Variants in HIVEP3 observed in about 807,000 individuals in gnomAD.
The protein encoded by HIVEP3 is HIVEP zinc finger 3.
HIVEP3 carries 49 observed loss-of-function variants against 152.8 expected under a neutral mutation model. That is an observed-to-expected ratio of 0.32 (90% CI 0.26 to 0.41). HIVEP3 has a LOEUF of 0.41. Ranked by LOEUF, HIVEP3 falls within the 10% of genes least tolerant of loss-of-function variation. The pLI is 1.00. For synonymous variants in HIVEP3, 1,269 were observed against 1,289.0 expected (o/e 0.98, Z 0.33); for missense variants, 2,790 against 3,103.3 (o/e 0.90, Z 2.40).
chr1:41,977,344 C>T (rs1645265592), intron 1 of HIVEP3, among the ~76,000 whole-genome samples: 1 of 152,152 alleles, frequency 6.6e-6, no homozygotes, highest in Non-Finnish European at 1.5e-5. Context: ...GAGCTGCCAC[C>T]TGCTGCTACC....
At chr1:41,587,629 AGACTAAAGTTACACCGT>A (rs1319535445) in intron 3 of HIVEP3, among the ~76,000 whole-genome samples, 1 of 152,232 alleles carries the variant, frequency 6.6e-6, no homozygotes, top group African/African-American at 2.4e-5. Context: ...TCTTCTATGG[AGACTAAAGTTACACCGT>A]GATCTTCTGA....
chr1:41,769,248 C>G (rs777852648), intron 1 of HIVEP3, among the ~76,000 whole-genome samples: 1 of 152,206 alleles, frequency 6.6e-6, no homozygotes, highest in Non-Finnish European at 1.5e-5. Flanking sequence ...CTTTCCAAAG[C>G]ACGTGCACCT....
chr1:41,742,370 G>A (rs371080325), intron 1 of HIVEP3, among the ~76,000 whole-genome samples: 17 of 152,154 alleles, frequency 1.1e-4, no homozygotes, highest in East Asian at 9.6e-4. Context: ...AACAGCTTCC[G>A]CATACTCTGC....
chr1:41,604,434 C>T (rs997180877), intron 3 of HIVEP3, among the ~76,000 whole-genome samples: 5 of 152,050 alleles, frequency 3.3e-5, no homozygotes, highest in Admixed American at 2.0e-4. Context: ...GACTATATGC[C>T]GTGTGATGAT....
chr1:41,778,675 G>C (rs1429067206), intron 1 of HIVEP3, among the ~76,000 whole-genome samples: 2 of 152,148 alleles, frequency 1.3e-5, no homozygotes, highest in Admixed American at 1.3e-4. Flanking sequence ...GCCAGGTACT[G>C]TCCTGGTGGC....
At chr1:41,552,323 C>G (rs1424130048) in intron 5 of HIVEP3, among the ~76,000 whole-genome samples, 1 of 149,736 alleles carries the variant, frequency 6.7e-6, no homozygotes. Flanking sequence ...CCCACTAACT[C>G]GTCATCTAGC....
intron 1 of HIVEP3, among the ~76,000 whole-genome samples, chr1:41,966,826 A>C (rs1392080367): frequency 6.6e-6 from 1 of 152,048 alleles, no homozygotes; most frequent in African/African-American, 2.4e-5. Context: ...AAAGACATAC[A>C]TAGGCTAGAA....
intron 1 of HIVEP3, among the ~76,000 whole-genome samples, chr1:41,952,315 T>G (rs2124492153): frequency 6.6e-6 from 1 of 152,346 alleles, no homozygotes; most frequent in East Asian, 1.9e-4. Flanking sequence ...ATGTTTAATG[T>G]AGAAATCTCA....
chr1:41,881,262 T>C (rs1479802923), intron 1 of HIVEP3, among the ~76,000 whole-genome samples: 1 of 152,216 alleles, frequency 6.6e-6, no homozygotes, highest in South Asian at 2.1e-4. Context: ...CATTATTATG[T>C]TATATCTTCA....
intron 6 of HIVEP3, among the ~76,000 whole-genome samples, chr1:41,523,623 T>C (rs1642822110): frequency 6.6e-6 from 1 of 151,882 alleles, no homozygotes; most frequent in African/African-American, 2.4e-5. Context: ...ACGGAGGAAG[T>C]GAAGAAGGGT....
chr1:41,537,070 T>C (rs915614235), intron 5 of HIVEP3, among the ~76,000 whole-genome samples: 2 of 152,196 alleles, frequency 1.3e-5, no homozygotes, highest in East Asian at 1.9e-4. Context: ...AGCTAGTCAA[T>C]AGGGGCATGT....
chr1:41,683,392 T>C (rs764708350), intron 2 of HIVEP3, among the ~76,000 whole-genome samples: 4 of 152,212 alleles, frequency 2.6e-5, no homozygotes, highest in Non-Finnish European at 4.4e-5. Context: ...TAACAAACAC[T>C]TCACCACTGA....
intron 5 of HIVEP3, among the ~76,000 whole-genome samples, chr1:41,529,180 C>A (rs1178079569): frequency 5.6e-5 from 7 of 125,520 alleles, no homozygotes; most frequent in East Asian, 2.8e-4. Context: ...CACACCCCAC[C>A]CTCACACTCA....
intron 1 of HIVEP3, among the ~76,000 whole-genome samples, chr1:41,731,378 C>A (rs989654254): frequency 6.6e-6 from 1 of 152,150 alleles, no homozygotes; most frequent in African/African-American, 2.4e-5. Flanking sequence ...TTTCTATGCT[C>A]AACACTCAGG....
chr1:41,813,002 G>C (rs567020130), intron 1 of HIVEP3, among the ~76,000 whole-genome samples: 16 of 152,258 alleles, frequency 1.1e-4, no homozygotes, highest in Admixed American at 3.3e-4. Flanking sequence ...GCTGTCTCCA[G>C]GCCCTGATCC....
intron 1 of HIVEP3, among the ~76,000 whole-genome samples, chr1:41,806,889 A>T (rs1558286390): frequency 6.6e-6 from 1 of 151,954 alleles, no homozygotes; most frequent in Admixed American, 6.5e-5. Context: ...TGTGCTCGCC[A>T]CCCCTTGCCC....
chr1:41,743,793 G>A (rs950550598), intron 1 of HIVEP3, among the ~76,000 whole-genome samples: 3 of 152,188 alleles, frequency 2.0e-5, no homozygotes. Flanking sequence ...AGACTTGTGA[G>A]TGGTTGCATT....
intron 1 of HIVEP3, among the ~76,000 whole-genome samples, chr1:41,793,094 T>C (rs946722998): frequency 2.6e-5 from 4 of 152,194 alleles, no homozygotes; most frequent in South Asian, 2.1e-4. Context: ...CATGGGAGGC[T>C]CATACACTGT....
chr1:41,566,247 T>C (rs1055684127), intron 5 of HIVEP3, among the ~76,000 whole-genome samples: 3 of 152,166 alleles, frequency 2.0e-5, no homozygotes, highest in Non-Finnish European at 2.9e-5. Context: ...CTCAAGCCCA[T>C]AGGTGGCCTG....
Sources: gnomAD v4.1 joint callset for allele counts (sites outside exome capture counted in the v4.1 genomes callset) on GRCh38, gnomAD v4.1.1 for gene constraint, MANE v1.5 for transcripts, NCBI Gene and HGNC (gene_info 2026-07-23, HGNC 2026-07-21) for gene names.